Variants in PTPRT observed in about 807,000 individuals in gnomAD.
PTPRT encodes the protein receptor-type tyrosine-protein phosphatase T.
PTPRT carries 56 observed loss-of-function variants against 176.8 expected under a neutral mutation model. The observed-to-expected ratio is 0.32, with a 90% CI of 0.26 to 0.40. The LOEUF is 0.40. PTPRT is among the 10% of genes least tolerant of loss of function. The probability of loss-of-function intolerance (pLI) is 1.00; values close to 1 mark genes in which losing one functional copy is unlikely to be tolerated. For missense variants in PTPRT, 1,540 were observed against 1,908.2 expected (o/e 0.81, Z 3.60); for synonymous variants, 783 against 739.0 (o/e 1.06, Z -0.96).
At chr20:43,036,526 GAGAAGAA>G (rs2146205570) in intron 1 of PTPRT, among the ~76,000 whole-genome samples, 1 of 139,068 alleles carries the variant, frequency 7.2e-6, no homozygotes, top group Admixed American at 7.7e-5. Context: ...GGAGGCAGAA[GAGAAGAA>G]AGAAAGAGAA....
chr20:42,388,080 C>T (rs185703011), intron 9 of PTPRT, among the ~76,000 whole-genome samples: 10 of 152,268 alleles, frequency 6.6e-5, no homozygotes, highest in African/African-American at 1.4e-4. Context: ...TGAGTCACCA[C>T]GCCTGGCCCA....
intron 16 of PTPRT, among the ~76,000 whole-genome samples, chr20:42,187,201 A>G (rs1990816181): frequency 6.6e-6 from 1 of 152,076 alleles, no homozygotes; most frequent in Non-Finnish European, 1.5e-5. Context: ...TGTGTTCCCT[A>G]TTTCATGGGC....
intron 12 of PTPRT, among the ~76,000 whole-genome samples, chr20:42,292,556 G>T (rs368570389): frequency 2.6e-5 from 4 of 152,058 alleles, no homozygotes; most frequent in Admixed American, 2.6e-4. Flanking sequence ...ATTTTTCAAG[G>T]TTACACGTAT....
intron 7 of PTPRT, among the ~76,000 whole-genome samples, chr20:42,673,261 C>A (rs1438644266): frequency 2.0e-5 from 3 of 152,192 alleles, no homozygotes; most frequent in Admixed American, 1.3e-4. Flanking sequence ...AAAGACCAAG[C>A]TATGGAATGA....
intron 16 of PTPRT, 104 bp from the exon 17 acceptor site, chr20:42,161,646 T>C (rs774619378): frequency 3.5e-6 from 4 of 1,135,614 alleles, no homozygotes; most frequent in Admixed American, 5.4e-5. Context: ...GGGAACCAAC[T>C]TGGGACTCAA....
chr20:42,042,553 T>C, the PTPRT span, among the ~76,000 whole-genome samples: 39 of 152,302 alleles, frequency 2.6e-4, 1 homozygote, highest in East Asian at 6.6e-3. Flanking sequence ...GCATATTCTT[T>C]TGCATAATGT....
chr20:42,211,567 C>G (rs1600682655), intron 15 of PTPRT, among the ~76,000 whole-genome samples: 1 of 149,144 alleles, frequency 6.7e-6, no homozygotes, highest in East Asian at 2.0e-4. Flanking sequence ...CACTGGCCAT[C>G]AGAGAAATGC....
At chr20:42,036,152 TC>T in the PTPRT span, among the ~76,000 whole-genome samples, 3 of 152,106 alleles carry the variant, frequency 2.0e-5, no homozygotes, top group African/African-American at 7.2e-5. Context: ...CCAACTCCCA[TC>T]CCTCAGTAAT....
At chr20:43,000,033 G>A (rs1450798263) in intron 1 of PTPRT, among the ~76,000 whole-genome samples, 3 of 138,932 alleles carry the variant, frequency 2.2e-5, no homozygotes, top group Non-Finnish European at 4.7e-5. Context: ...AAGGGAGGAA[G>A]GGAAGAATGG....
chr20:42,425,086 G>A (rs1431058385), intron 9 of PTPRT, among the ~76,000 whole-genome samples: 3 of 152,086 alleles, frequency 2.0e-5, no homozygotes, highest in African/African-American at 7.2e-5. Context: ...CGTATTATGA[G>A]TAATATGGGT....
chr20:43,076,927 G>A (rs991698527), intron 1 of PTPRT, among the ~76,000 whole-genome samples: 1 of 152,068 alleles, frequency 6.6e-6, no homozygotes, highest in African/African-American at 2.4e-5. Flanking sequence ...GCTCCCAATG[G>A]GACTTCTTGT....
intron 9 of PTPRT, among the ~76,000 whole-genome samples, chr20:42,432,114 A>C (rs2059220472): frequency 6.6e-6 from 1 of 152,200 alleles, no homozygotes; most frequent in African/African-American, 2.4e-5. Flanking sequence ...CAAAACAGCT[A>C]TGAGAGAAGG....
intron 1 of PTPRT, among the ~76,000 whole-genome samples, chr20:43,018,975 C>A (rs1322359112): frequency 6.6e-6 from 1 of 152,186 alleles, no homozygotes; most frequent in Non-Finnish European, 1.5e-5. Flanking sequence ...TCATTTCACT[C>A]TTCAAAATTT....
the PTPRT span, among the ~76,000 whole-genome samples, chr20:42,039,555 T>C: frequency 1.1e-4 from 16 of 151,938 alleles, no homozygotes; most frequent in African/African-American, 3.9e-4. Context: ...CTATTTTACA[T>C]CCTAAATATA....
At chr20:42,759,387 T>G (rs564814013) in intron 5 of PTPRT, among the ~76,000 whole-genome samples, 1 of 152,326 alleles carries the variant, frequency 6.6e-6, no homozygotes, top group Non-Finnish European at 1.5e-5. Context: ...GAAACTGGGC[T>G]GGGCGTGGTG....
intron 1 of PTPRT, among the ~76,000 whole-genome samples, chr20:43,068,547 A>C (rs1181334896): frequency 6.7e-6 from 1 of 150,372 alleles, no homozygotes; most frequent in African/African-American, 2.5e-5. Flanking sequence ...AGGGGAGCTC[A>C]GTTTGGGACA....
Position 42,325,715 on chromosome 20 carries a change from A to G in PTPRT, c.1866-9719T>C, listed in dbSNP as rs185200539. Among the ~76,000 whole-genome samples, 546 of 152,284 alleles carry G rather than the reference A, an allele frequency of 3.6e-3. 3 individuals carry two copies. Among genetic ancestry groups the G allele is most frequent in the African/African-American group, 0.012 (518 of 41,560 alleles). On this transcript the variant is annotated intron_variant, in intron 11 of 30. Coordinates refer to ENST00000373187, the MANE Select transcript of PTPRT (RefSeq NM_007050.6). Reference sequence around the variant, plus strand: ...AAACAGTGGCTAGAATGACTCCTTAAAAACATGACTCAGCTCAAGACTCCC... The same window carrying G: ...AAACAGTGGCTAGAATGACTCCTTAGAAACATGACTCAGCTCAAGACTCCC...
At chr20:42,297,682 G>T (rs915670309) in intron 12 of PTPRT, among the ~76,000 whole-genome samples, 4 of 152,100 alleles carry the variant, frequency 2.6e-5, no homozygotes, top group Non-Finnish European at 4.4e-5. Flanking sequence ...ACATAGACTG[G>T]TGGGATAGAA....
chr20:43,018,615 T>G (rs1985490668), intron 1 of PTPRT, among the ~76,000 whole-genome samples: 1 of 152,194 alleles, frequency 6.6e-6, no homozygotes, highest in Admixed American at 6.5e-5. Context: ...GATAAAAGGT[T>G]AATATCCTTA....
Sources: allele counts gnomAD v4.1 joint callset (sites outside exome capture counted in the v4.1 genomes callset), GRCh38; gene constraint gnomAD v4.1.1; transcripts MANE v1.5; gene names NCBI Gene and HGNC (gene_info 2026-07-23, HGNC 2026-07-21).